Variants in NGEF observed in about 807,000 individuals in gnomAD.
NGEF encodes ephexin-1.
A neutral mutation model predicts 80.9 loss-of-function variants in NGEF; 31 were observed. The ratio of observed to expected loss-of-function variants is 0.38; its 90% CI spans 0.29 to 0.52. The LOEUF (loss-of-function observed/expected upper bound fraction) is 0.52. Among genes scored for constraint, NGEF ranks in the 20% least tolerant of loss-of-function variants. The pLI is 0.84. For synonymous variants in NGEF, 371 were observed against 370.2 expected (o/e 1.00, Z -0.03); for missense variants, 709 against 926.2 (o/e 0.77, Z 3.04).
At chr2:232,961,398 G>T (rs1351615479) in intron 3 of NGEF, among the ~76,000 whole-genome samples, 1 of 152,174 alleles carries the variant, frequency 6.6e-6, no homozygotes, top group African/African-American at 2.4e-5. Context: ...CTGATGAGGT[G>T]GGAATGGCCC....
At chr2:232,905,434 C>T (rs10182795) in intron 5 of NGEF, among the ~76,000 whole-genome samples, 114,891 of 152,080 alleles carry the variant, frequency 0.76, 43,663 homozygotes, top group Admixed American at 0.79. Flanking sequence ...AGTGCAGTGG[C>T]GTGATCTCGG....
At chr2:232,969,483 TCCTTCCTC>T (rs1293202678) in intron 3 of NGEF, among the ~76,000 whole-genome samples, 46 of 102,218 alleles carry the variant, frequency 4.5e-4, no homozygotes, top group African/African-American at 1.3e-3. Flanking sequence ...CTTCCTTCCT[TCCTTCCTC>T]CCTCCCTCCC....
intron 9 of NGEF, among the ~76,000 whole-genome samples, chr2:232,886,617 A>C (rs907308957): frequency 2.4e-5 from 3 of 126,470 alleles, no homozygotes; most frequent in Admixed American, 2.3e-4. Context: ...ATAAACCTTC[A>C]TTTTTAAAAA....
rs115682986 is a variant in NGEF at position 232,912,622 on chromosome 2, T to C, written c.828+7662A>G. ...TTTAAATGGTTGGTACAATTCACCA[T>C]TGTAAACTTATGGGCCTACAGATGG... On this transcript the variant is annotated intron_variant, in intron 5 of 14. Transcript: ENST00000264051. 4.6e-3 allele frequency among the ~76,000 whole-genome samples: 706 copies of C among 152,312 alleles called. 8 individuals are homozygous for C. The highest frequency in any genetic ancestry group is 0.016 in the African/African-American group (682 of 41,578).
chr2:232,974,434 T>C (rs944236647), intron 2 of NGEF, among the ~76,000 whole-genome samples, 189 bp downstream of exon 2: 2 of 152,224 alleles, frequency 1.3e-5, no homozygotes, highest in Admixed American at 1.3e-4. Context: ...TTCTCCTAAG[T>C]ACACACGTCA....
chr2:232,911,267 C>T (rs1312957817), intron 5 of NGEF, among the ~76,000 whole-genome samples: 1 of 152,228 alleles, frequency 6.6e-6, no homozygotes, highest in East Asian at 1.9e-4. Flanking sequence ...AAAGACTGTC[C>T]TTTTTCCATT....
At chr2:232,987,766 G>A (rs1694563275) in intron 1 of NGEF, among the ~76,000 whole-genome samples, 1 of 152,158 alleles carries the variant, frequency 6.6e-6, no homozygotes, top group Non-Finnish European at 1.5e-5. Context: ...GGGCTCAAAG[G>A]GATTGTGGCC....
At chr2:233,000,708 C>G (rs1694955322) in intron 1 of NGEF, among the ~76,000 whole-genome samples, 1 of 150,452 alleles carries the variant, frequency 6.6e-6, no homozygotes, top group South Asian at 2.1e-4. Flanking sequence ...TGCAGTGAGC[C>G]GAGATCGCGC....
chr2:232,997,534 A>G (rs1221428865), intron 1 of NGEF, among the ~76,000 whole-genome samples: 1 of 152,110 alleles, frequency 6.6e-6, no homozygotes, highest in Non-Finnish European at 1.5e-5. Context: ...GGAGATTTCT[A>G]GAACACAGAA....
chr2:232,963,251 C>T (rs758532175), intron 3 of NGEF, among the ~76,000 whole-genome samples: 4 of 151,840 alleles, frequency 2.6e-5, no homozygotes, highest in African/African-American at 7.3e-5. Flanking sequence ...CACATGTCTA[C>T]GGTCATTGGA....
intron 5 of NGEF, among the ~76,000 whole-genome samples, chr2:232,898,007 C>A (rs1692153107): frequency 6.6e-6 from 1 of 152,256 alleles, no homozygotes; most frequent in Non-Finnish European, 1.5e-5. Context: ...CGCTGACTGG[C>A]AGCAGACCCC....
intron 4 of NGEF, among the ~76,000 whole-genome samples, chr2:232,923,192 G>A (rs1257219372): frequency 6.6e-6 from 1 of 152,158 alleles, no homozygotes; most frequent in Non-Finnish European, 1.5e-5. Context: ...GTGTGCTATA[G>A]TCGGCAAATC....
intron 5 of NGEF, among the ~76,000 whole-genome samples, chr2:232,918,352 C>T (rs1030725853): frequency 3.3e-5 from 5 of 152,206 alleles, no homozygotes; most frequent in African/African-American, 4.8e-5. Flanking sequence ...CTGCCCACCC[C>T]GGCCTCCCAA....
At chr2:232,906,799 T>A (rs4973570) in intron 5 of NGEF, among the ~76,000 whole-genome samples, 4,114 of 150,604 alleles carry the variant, frequency 0.027, 141 homozygotes, top group East Asian at 0.093. Flanking sequence ...GTGTAGAAAG[T>A]AGTAGACATG....
At chr2:232,947,858 A>C (rs1385904549) in intron 3 of NGEF, among the ~76,000 whole-genome samples, 1 of 152,218 alleles carries the variant, frequency 6.6e-6, no homozygotes, top group Non-Finnish European at 1.5e-5. Flanking sequence ...AAGAAAGATG[A>C]AGAGACCTTT....
chr2:233,003,466 G>A (rs919339870), intron 1 of NGEF, among the ~76,000 whole-genome samples: 4 of 152,138 alleles, frequency 2.6e-5, no homozygotes, highest in African/African-American at 9.7e-5. Flanking sequence ...TCGGGTATCC[G>A]CCTGGAGCAG....
chr2:233,008,615 T>C (rs1318620586), intron 1 of NGEF, among the ~76,000 whole-genome samples: 1 of 152,210 alleles, frequency 6.6e-6, no homozygotes, highest in Non-Finnish European at 1.5e-5. Flanking sequence ...GTTCCCAAGC[T>C]TCTCTCATCC....
intron 3 of NGEF, among the ~76,000 whole-genome samples, chr2:232,960,713 T>C (rs1027962058): frequency 1.3e-5 from 2 of 152,174 alleles, no homozygotes; most frequent in African/African-American, 4.8e-5. Context: ...ACCCCATCTC[T>C]ACTAAAATTA....
chr2:232,976,689 G>T (rs1392006154), intron 1 of NGEF, among the ~76,000 whole-genome samples: 1 of 152,164 alleles, frequency 6.6e-6, no homozygotes, highest in Non-Finnish European at 1.5e-5. Flanking sequence ...CCTGTAAATT[G>T]TCAGCCAGGC....
Sources: gnomAD v4.1 joint callset for allele counts (sites outside exome capture counted in the v4.1 genomes callset) on GRCh38, gnomAD v4.1.1 for gene constraint, MANE v1.5 for transcripts, NCBI Gene and HGNC (gene_info 2026-07-23, HGNC 2026-07-21) for gene names.